Variants in GNG7 observed in about 807,000 individuals in gnomAD.
GNG7 encodes G protein subunit gamma 7.
Under a neutral mutation model 4.0 loss-of-function variants are expected in GNG7, and 1 was observed. The observed-to-expected ratio is 0.25, with a 90% CI of 0.09 to 1.18. The LOEUF (loss-of-function observed/expected upper bound fraction) is 1.18. Among genes scored for constraint, GNG7 ranks in the 50% most tolerant of loss-of-function variants. GNG7 has a pLI of 0.50. For missense variants in GNG7, 86 were observed against 91.9 expected, an observed-to-expected ratio of 0.94 and a Z score of 0.26; for synonymous variants, 34 against 36.9, an observed-to-expected ratio of 0.92 and a Z score of 0.29.
rs1555697038 is a variant in GNG7, at chr19:2,602,896, T to TTTTTCTTTCTTTC, written c.-78+43315_-78+43327dup. ...TTCTCTCTTTCTCTTTCTTTTTCTCTTTTTCTTTCTTTCTTTCTTTCTTTC... is the reference window on the plus strand; with the variant it reads ...TTCTCTCTTTCTCTTTCTTTTTCTCTTTTTCTTTCTTTCTTTTCTTTCTTTCTTTCTTTCTTTC... On this transcript the variant is annotated intron_variant, in intron 2 of 4. Coordinates refer to ENST00000382159, the MANE Select transcript of GNG7 (RefSeq NM_052847.3). 7.8e-4 allele frequency among the ~76,000 whole-genome samples: 44 copies of TTTTTCTTTCTTTC among 56,430 alleles called. No individual in the cohort carries two copies. The South Asian group carries it at 0.013, about 16-fold the overall frequency. The allele number at this position is 56,430 out of a possible 152,430, so 37.0% of individuals were successfully genotyped here. A position where few individuals can be genotyped will look rare whatever the true frequency, so the allele number is the denominator to read the frequency against.
chr19:2,620,158 C>T (rs576891883), intron 2 of GNG7, among the ~76,000 whole-genome samples: 6 of 143,920 alleles, frequency 4.2e-5, no homozygotes, highest in Non-Finnish European at 6.0e-5. Context: ...GAGCCGAGAT[C>T]GCGCCATAGC....
intron 3 of GNG7, among the ~76,000 whole-genome samples, chr19:2,522,496 C>T (rs951621693): frequency 6.6e-6 from 1 of 151,914 alleles, no homozygotes; most frequent in Non-Finnish European, 1.5e-5. Context: ...AAGGACTGGC[C>T]GGGCGCGGTG....
At chr19:2,578,513 C>T (rs971178865) in intron 2 of GNG7, among the ~76,000 whole-genome samples, 2 of 152,230 alleles carry the variant, frequency 1.3e-5, no homozygotes, top group African/African-American at 4.8e-5. Flanking sequence ...TCCTGCAGGG[C>T]CTAAGGAATT....
At chr19:2,661,496 TA>T (rs796549303) in intron 1 of GNG7, among the ~76,000 whole-genome samples, 10 of 149,310 alleles carry the variant, frequency 6.7e-5, no homozygotes, top group Admixed American at 1.3e-4. Flanking sequence ...CTATCTCTAC[TA>T]AAAAAAAATA....
At chr19:2,553,638 AAT>A (rs1362581113) in intron 3 of GNG7, among the ~76,000 whole-genome samples, 35 of 95,416 alleles carry the variant, frequency 3.7e-4, no homozygotes, top group Admixed American at 1.2e-3. Flanking sequence ...CGTTACATGT[AAT>A]ATGTTATATT....
intron 2 of GNG7, among the ~76,000 whole-genome samples, chr19:2,576,256 C>T (rs372762510): frequency 2.0e-5 from 3 of 152,246 alleles, no homozygotes; most frequent in Non-Finnish European, 4.4e-5. Context: ...GCGTGCAGCC[C>T]GGACGGCCCC....
chr19:2,646,074 A>G (rs759065), intron 2 of GNG7, 150 bp downstream of exon 2: 30,032 of 152,158 alleles, frequency 0.2, 3,447 homozygotes, highest in East Asian at 0.51. Context: ...CCTGCTCCCC[A>G]TTACCCATAC....
chr19:2,541,926 A>T (rs540979311), intron 3 of GNG7, among the ~76,000 whole-genome samples: 91 of 151,804 alleles, frequency 6.0e-4, no homozygotes, highest in Middle Eastern at 6.8e-3. Flanking sequence ...AGAAAATAAA[A>T]ATAAAATAAG....
At chr19:2,681,493 T>A (rs1243552813) in intron 1 of GNG7, among the ~76,000 whole-genome samples, 1 of 152,120 alleles carries the variant, frequency 6.6e-6, no homozygotes, top group Non-Finnish European at 1.5e-5. Context: ...GGTCTCCAAC[T>A]CTTGGACTCA....
chr19:2,560,425 T>A (rs765044), intron 2 of GNG7, among the ~76,000 whole-genome samples: 1 of 151,728 alleles, frequency 6.6e-6, no homozygotes, highest in Non-Finnish European at 1.5e-5. Context: ...GCAGGACCCC[T>A]TACCTCCACA....
At chr19:2,627,386 G>T (rs1194246720) in intron 2 of GNG7, among the ~76,000 whole-genome samples, 1 of 152,104 alleles carries the variant, frequency 6.6e-6, no homozygotes, top group African/African-American at 2.4e-5. Context: ...TGGCTCCAGG[G>T]GCACCCAGAG....
rs1972670442 is a variant in GNG7, at chr19:2,512,514, C to T, written c.*2508G>A. The T allele has an allele frequency of 7.0e-6, 2 of 287,716 alleles. No homozygotes were observed. Among genetic ancestry groups the T allele is most frequent in the Admixed American group, 6.5e-5 (1 of 15,396 alleles). The allele number at this position is 287,716 out of a possible 1,614,324, so 17.8% of individuals were successfully genotyped here. A position where few individuals can be genotyped will look rare whatever the true frequency, so the allele number is the denominator to read the frequency against. On this transcript the variant is annotated 3_prime_UTR_variant, in exon 5 of 5. Coordinates refer to ENST00000382159, the MANE Select transcript of GNG7 (RefSeq NM_052847.3). This position sits in a 1 kb window ranked among gnomAD's most constrained non-coding sequence, Gnocchi z 4.7. Reference sequence around the variant, plus strand: ...ACAGTGAAGGAGAGGCCAGCCTGTCCTTCCCCTCCCCGAGCCTCAGTTTAC... The same window carrying T: ...ACAGTGAAGGAGAGGCCAGCCTGTCTTTCCCCTCCCCGAGCCTCAGTTTAC...
At chr19:2,699,147 CTTTTTTTTTT>C (rs371884402) in intron 1 of GNG7, among the ~76,000 whole-genome samples, 3 of 128,524 alleles carry the variant, frequency 2.3e-5, no homozygotes, top group African/African-American at 8.8e-5. Flanking sequence ...AAGGAGTAGC[CTTTTTTTTTT>C]TTTTTTTTTG....
At chr19:2,529,557 A>G (rs1399784854) in intron 3 of GNG7, among the ~76,000 whole-genome samples, 3 of 152,168 alleles carry the variant, frequency 2.0e-5, no homozygotes, top group Admixed American at 6.5e-5. Context: ...AGCTTGGGCA[A>G]ATCCCTTCTT....
At chr19:2,532,595 T>C (rs1343332670) in intron 3 of GNG7, among the ~76,000 whole-genome samples, 1 of 151,962 alleles carries the variant, frequency 6.6e-6, no homozygotes, top group Non-Finnish European at 1.5e-5. Flanking sequence ...CTAAAACTGA[T>C]AAAAAGACCT....
chr19:2,693,699 G>A (rs572315009), intron 1 of GNG7, among the ~76,000 whole-genome samples: 85 of 152,246 alleles, frequency 5.6e-4, no homozygotes, highest in African/African-American at 1.8e-3. Context: ...GAGCAGCCCC[G>A]GTTGTGACAG....
Position 2,676,808 on chromosome 19 carries a change from G to A in GNG7, c.-135+25838C>T, listed in dbSNP as rs200154403. On this transcript the variant is annotated intron_variant, in intron 1 of 4. Coordinates refer to ENST00000382159, the MANE Select transcript of GNG7 (RefSeq NM_052847.3). ...TTCCTAGACCCGGCTGGAGGAGTTG[G>A]GTGTAATTTTCAGCCGGGCGGGTGC... Among the ~76,000 whole-genome samples the A allele has an allele frequency of 2.1e-4, 31 of 146,354 alleles. No homozygotes were observed. In the East Asian group the frequency reaches 6.1e-3, roughly 29 times the overall value.
At chr19:2,677,115 G>A (rs1208470612) in intron 1 of GNG7, among the ~76,000 whole-genome samples, 1 of 152,118 alleles carries the variant, frequency 6.6e-6, no homozygotes, top group Non-Finnish European at 1.5e-5. Flanking sequence ...ATATATGCTC[G>A]CAAGAATTCT....
intron 2 of GNG7, among the ~76,000 whole-genome samples, chr19:2,558,112 A>C (rs1457461841): frequency 4.6e-5 from 7 of 151,064 alleles, no homozygotes; most frequent in Admixed American, 2.0e-4. Context: ...AAGTGCTGGG[A>C]TTACAGGCGT....
Sources: gnomAD v4.1 joint callset for allele counts (sites outside exome capture counted in the v4.1 genomes callset) on GRCh38, gnomAD v4.1.1 for gene constraint, Gnocchi (gnomAD v3.1) non-coding constraint, MANE v1.5 for transcripts, NCBI Gene and HGNC (gene_info 2026-07-23, HGNC 2026-07-21) for gene names.